The following TMEM79 variants were observed in gnomAD, a reference collection of about 807,000 sequenced individuals.
TMEM79 encodes transmembrane protein 79, also known as mattrin.
In TMEM79, 30 loss-of-function variants were observed where a neutral mutation model predicts 31.2. The observed-to-expected ratio is 0.96, with a 90% CI of 0.72 to 1.30. TMEM79 has a LOEUF of 1.30. TMEM79 is among the 50% of genes most tolerant of loss of function. The probability of loss-of-function intolerance (pLI) is 0.00; values close to 1 mark genes in which losing one functional copy is unlikely to be tolerated. For synonymous variants in TMEM79, 213 were observed against 229.5 expected, an observed-to-expected ratio of 0.93 and a Z score of 0.65; for missense variants, 509 against 528.2, an observed-to-expected ratio of 0.96 and a Z score of 0.36.
chr1:156,290,298 T>C (rs1229361506), intron 3 of TMEM79: 2 of 153,740 alleles, frequency 1.3e-5, no homozygotes, highest in Non-Finnish European at 2.9e-5. Flanking sequence ...TTCTTCCTCC[T>C]TTCTTTCTTC....
Position 156,291,365 on chromosome 1 carries a change from C to T in TMEM79, c.972-20C>T. On this transcript the variant is annotated intron_variant, in intron 3 of 3. Coordinates refer to ENST00000405535, the MANE Select transcript of TMEM79 (RefSeq NM_032323.3). ...CGCGCTTCCCTCGAGAGTAGCCTGACCCTTTTCTTGCCCCCATAGGCTGAT... is the reference window on the plus strand; with the variant it reads ...CGCGCTTCCCTCGAGAGTAGCCTGATCCTTTTCTTGCCCCCATAGGCTGAT... 1 of 1,612,300 alleles carries T rather than the reference C, an allele frequency of 6.2e-7. No individual in the cohort carries two copies. The highest frequency in any genetic ancestry group is 8.5e-7 in the Non-Finnish European group (1 of 1,178,488).
At chr1:156,286,973 A>T (rs1663186350) in intron 3 of TMEM79, among the ~76,000 whole-genome samples, 1 of 152,072 alleles carries the variant, frequency 6.6e-6, no homozygotes, top group South Asian at 2.1e-4. Context: ...AAATACAAAA[A>T]TTAGCTGGGC....
chr1:156,287,762 G>T (rs1204278710), intron 3 of TMEM79, among the ~76,000 whole-genome samples: 1 of 151,870 alleles, frequency 6.6e-6, no homozygotes, highest in East Asian at 2.0e-4. Context: ...GATTACAGGC[G>T]CCCACCACCA....
chr1:156,287,540 G>T (rs1358575448), intron 3 of TMEM79, among the ~76,000 whole-genome samples: 1 of 151,722 alleles, frequency 6.6e-6, no homozygotes, highest in African/African-American at 2.4e-5. Context: ...CTGGTAGAGG[G>T]TACTGTCCTT....
chr1:156,287,266 A>G (rs1327529283), intron 3 of TMEM79, among the ~76,000 whole-genome samples: 1 of 152,008 alleles, frequency 6.6e-6, no homozygotes, highest in Non-Finnish European at 1.5e-5. Context: ...AATACAAAAA[A>G]TTAGCCGGGT....
chr1:156,286,286 T>C lies in TMEM79; in HGVS notation c.784T>C (p.Leu262=), dbSNP rs1429048331. Reference sequence around the variant, plus strand: ...GATCCTGGTGTACGGGCTGAGCCTGTTATGCTTTTCTGCCCTTCGGCCCTT... The same window carrying C: ...GATCCTGGTGTACGGGCTGAGCCTGCTATGCTTTTCTGCCCTTCGGCCCTT... ...LGILVYGLSL[L]CFSALRPFGE... The change falls in exon 3 of 4, where the codon TTA becomes CTA. Residue 262 remains leucine, a synonymous_variant. Transcript: ENST00000405535. 6.2e-7 allele frequency: 1 copy of C among 1,614,128 alleles called. No homozygotes were observed. The highest frequency in any genetic ancestry group is 1.7e-5 in the Admixed American group (1 of 60,012).
At chr1:156,287,819 T>A (rs1442472167) in intron 3 of TMEM79, among the ~76,000 whole-genome samples, 1 of 151,904 alleles carries the variant, frequency 6.6e-6, no homozygotes, top group African/African-American at 2.4e-5. Context: ...GGTTTCACCA[T>A]GTTGGCCAGG....
rs755105589 is a variant in TMEM79 at position 156,291,390 on chromosome 1, T to C, written c.977T>C (p.Ile326Thr). 51 of 1,614,004 alleles carry C rather than the reference T, an allele frequency of 3.2e-5. No individual in the cohort carries two copies. Among genetic ancestry groups the C allele is most frequent in the Non-Finnish European group, 3.8e-5 (45 of 1,180,024 alleles). ...LTGLFAVSRL[I>T]YWLTFAVGRS... ...CCCTTTTCTTGCCCCCATAGGCTGA[T>C]CTACTGGCTGACCTTTGCCGTGGGC... The change falls in exon 4 of 4, where the codon ATC becomes ACC. Residue 326 changes from isoleucine to threonine, a missense_variant. Coordinates refer to ENST00000405535, the MANE Select transcript of TMEM79 (RefSeq NM_032323.3).
rs1038202386 is a variant in TMEM79, at chr1:156,291,387, T to C, written c.974T>C (p.Leu325Pro). Residue 325 changes from leucine (L) to proline (P), a missense_variant and splice_region_variant, in exon 4 of 4, where the codon CTG becomes CCG. Coordinates refer to ENST00000405535, the MANE Select transcript of TMEM79 (RefSeq NM_032323.3). ...TGACCCTTTTCTTGCCCCCATAGGC[T>C]GATCTACTGGCTGACCTTTGCCGTG... ...LLTGLFAVSR[L>P]IYWLTFAVGR... 2 of 1,613,990 alleles carry C rather than the reference T, an allele frequency of 1.2e-6. No individual in the cohort carries two copies. Among genetic ancestry groups the C allele is most frequent in the Admixed American group, 3.3e-5 (2 of 60,000 alleles).
chr1:156,288,606 G>A (rs1169540787), intron 3 of TMEM79, among the ~76,000 whole-genome samples: 1 of 152,058 alleles, frequency 6.6e-6, no homozygotes, highest in Non-Finnish European at 1.5e-5. Flanking sequence ...CCAAAGTGCT[G>A]GGATTACAGG....
In TMEM79 at chr1:156,285,871, A is replaced by G; in HGVS notation, c.645A>G (p.Leu215=). The part of the protein sequence containing the change: ...GAALILFPCL[L]YGAYAFLPFD... Reference sequence around the variant, plus strand: ...CACTCATTCTCTTCCCTTGCCTACTATACGGGGCATATGCCTTCCTGCCGT... The same window carrying G: ...CACTCATTCTCTTCCCTTGCCTACTGTACGGGGCATATGCCTTCCTGCCGT... The change falls in exon 2 of 4, where the codon CTA becomes CTG. Residue 215 remains leucine (L), a synonymous_variant. Coordinates refer to ENST00000405535, the MANE Select transcript of TMEM79 (RefSeq NM_032323.3). The G allele has an allele frequency of 1.2e-6, 2 of 1,613,758 alleles. No homozygotes were observed. The highest frequency in any genetic ancestry group is 1.7e-6 in the Non-Finnish European group (2 of 1,180,006).
chr1:156,285,286 G>A lies in TMEM79; in HGVS notation c.60G>A (p.Lys20=), dbSNP rs759740572. 6.4e-7 allele frequency: 1 copy of A among 1,572,348 alleles called. No homozygotes were observed. Among genetic ancestry groups the A allele is most frequent in the Non-Finnish European group, 8.6e-7 (1 of 1,162,930 alleles). The part of the protein sequence containing the change: ...LEVKRSDSPE[K]SSPQALVPNG... The stretch of plus-strand genomic sequence containing the variant: ...TGAAGAGGTCTGATTCCCCAGAGAA[G>A]AGCTCACCCCAGGCCTTGGTTCCCA... Residue 20 remains lysine, a synonymous_variant, in exon 2 of 4, where the codon AAG becomes AAA. Transcript: ENST00000405535.
In TMEM79 at chr1:156,285,666, T is replaced by C. The variant is rs1180506198; in HGVS notation, c.440T>C (p.Val147Ala). 2 of 1,613,782 alleles carry C rather than the reference T, an allele frequency of 1.2e-6. No individual in the cohort carries two copies. The highest frequency in any genetic ancestry group is 1.3e-5 in the African/African-American group (1 of 74,930). The change falls in exon 2 of 4, where the codon GTG (valine) becomes GCG (alanine). Residue 147 changes from valine to alanine, a missense_variant. By Grantham distance (64) the Val-to-Ala change is moderately conservative (BLOSUM62 0). Transcript: ENST00000405535. ...CGGCAGCCCCAAGAAGACCTTATCG[T>C]GCGCTGTGAGGCAGGCGAGGGCGAG... The part of the protein sequence containing the change: ...IERQPQEDLI[V>A]RCEAGEGECR...
upstream of TMEM79, among the ~76,000 whole-genome samples, chr1:156,283,632 TTTG>T (rs1194902828): frequency 2.6e-5 from 4 of 152,174 alleles, no homozygotes; most frequent in Admixed American, 1.3e-4. Context: ...GGTGGTTTGT[TTTG>T]TTGTTGTTGT....
chr1:156,283,720 C>T (rs570978899), upstream of TMEM79, among the ~76,000 whole-genome samples: 59 of 152,334 alleles, frequency 3.9e-4, no homozygotes, highest in African/African-American at 1.3e-3. Flanking sequence ...CAGCCACCCA[C>T]CTTCTTTCTG....
rs150557364 is a variant in TMEM79 at position 156,285,939 on chromosome 1, A to G, written c.713A>G (p.Tyr238Cys). Reference sequence around the variant, plus strand: ...CCCACCATGAGTTCCCGCCTGATCTACACACTGCGCTGCGGGGTCTTTGCC... The same window carrying G: ...CCCACCATGAGTTCCCGCCTGATCTGCACACTGCGCTGCGGGGTCTTTGCC... ...RLPTMSSRLI[Y>C]TLRCGVFATF... Residue 238 changes from tyrosine to cysteine, a missense_variant, in exon 2 of 4, where the codon TAC becomes TGC. Transcript: ENST00000405535. 5 of 1,613,008 alleles carry G rather than the reference A, an allele frequency of 3.1e-6. No individual in the cohort carries two copies. In the African/African-American group the frequency reaches 6.7e-5, roughly 22 times the overall value.
upstream of TMEM79, among the ~76,000 whole-genome samples, chr1:156,283,233 T>A (rs1663049894): frequency 1.3e-5 from 2 of 152,168 alleles, no homozygotes; most frequent in Admixed American, 1.3e-4. Context: ...AAAAAGTGCA[T>A]GTGAAAGTTT....
chr1:156,288,712 A>T (rs4661038), intron 3 of TMEM79, among the ~76,000 whole-genome samples: 32,446 of 152,144 alleles, frequency 0.21, 3,695 homozygotes, highest in Admixed American at 0.31. Context: ...AGCTAAAATT[A>T]GTCTTCCTGT....
intron 3 of TMEM79, 144 bp from the exon 4 acceptor site, chr1:156,291,241 T>TTAAA: frequency 3.0e-6 from 2 of 664,436 alleles, no homozygotes; most frequent in South Asian, 1.8e-5. Flanking sequence ...GTTAAGTGCA[T>TTAAA]AAACTTTGGC....
Sources: gnomAD v4.1 joint callset for allele counts (sites outside exome capture counted in the v4.1 genomes callset) on GRCh38, gnomAD v4.1.1 for gene constraint, MANE v1.5 for transcripts, NCBI Gene and HGNC (gene_info 2026-07-23, HGNC 2026-07-21) for gene names.